LARGE2: variants seen among roughly 807,000 people sequenced by gnomAD.
The protein encoded by LARGE2 is xylosyl- and glucuronyltransferase LARGE2.
Under a neutral mutation model 75.3 loss-of-function variants are expected in LARGE2, and 63 were observed. That is an observed-to-expected ratio of 0.84 (90% confidence interval 0.68 to 1.03). The LOEUF (loss-of-function observed/expected upper bound fraction) is 1.03, where lower values mean the gene tolerates loss of function less well. LARGE2 is among the 50% of genes least tolerant of loss of function. LARGE2 has a pLI of 0.00. For missense variants in LARGE2, 925 were observed against 980.6 expected, an observed-to-expected ratio of 0.94 and a Z score of 0.76; for synonymous variants, 428 against 420.1, an observed-to-expected ratio of 1.02 and a Z score of -0.23.
At position 45,926,257 on chromosome 11, in the gene LARGE2, G is replaced by A. The variant is rs1304679706; in HGVS notation, c.918G>A (p.Gly306=). 1.9e-6 allele frequency: 3 copies of A among 1,614,220 alleles called. No individual in the cohort carries two copies. The highest frequency in any genetic ancestry group is 2.2e-5 in the East Asian group (1 of 44,884). The change falls in exon 8 of 14, where the codon GGG becomes GGA. Residue 306 remains glycine (G), a synonymous_variant. Coordinates refer to ENST00000401752, the MANE Select transcript of LARGE2 (RefSeq NM_001300721.2). ...IFNAVIKEHP[G]LVQRLPCVWN... ...ACGCTGTGATCAAGGAGCACCCGGG[G>A]CTAGTGCAGCGTCTGCCTTGTGTCT...
In LARGE2 at chr11:45,928,824, CCA is replaced by C; in HGVS notation, c.2146_2147del (p.Gln716GlufsTer16). ...AATACCTCCCAGCCCTGCAGCAGCC[CCA>C]GAGCCCTGCCCGAGGCTGAGGCTGG... ...LKYLPALQQPQSPARG is the reference protein window; with the variant it reads ...LKYLPALQQPXSPARG On this transcript the variant is annotated frameshift_variant, in exon 14 of 14. Coordinates refer to ENST00000401752, the MANE Select transcript of LARGE2 (RefSeq NM_001300721.2). LOFTEE classifies it low-confidence loss of function (END_TRUNC). The C allele has an allele frequency of 6.2e-7, 1 of 1,613,300 alleles. No individual in the cohort carries two copies. The highest frequency in any genetic ancestry group is 8.5e-7 in the Non-Finnish European group (1 of 1,179,922).
At chr11:45,925,755 G>A (rs759948064) in intron 6 of LARGE2, among the ~76,000 whole-genome samples, 11 of 152,118 alleles carry the variant, frequency 7.2e-5, no homozygotes, top group Non-Finnish European at 1.6e-4. Context: ...GGGTTGTGGT[G>A]GGGTGCTGAG....
Position 45,927,389 on chromosome 11 carries a change from A to G in LARGE2, c.1400A>G (p.Glu467Gly), listed in dbSNP as rs751632354. ...CTGGCCTTGTACCTGACAGACGCAG[A>G]AGCTCAGCAGTTCCTGCATTTCGTC... ...MSLALYLTDA[E>G]AQQFLHFVEA... Residue 467 changes from glutamate (E) to glycine (G), a missense_variant, in exon 11 of 14, where the codon GAA becomes GGA. By Grantham distance (98) the Glu-to-Gly change is moderately conservative. Around this residue, in one of 3 missense-constraint regions of LARGE2, gnomAD observed 469 missense variants for 503.8 expected, o/e 0.93. Transcript: ENST00000401752. The G allele has an allele frequency of 1.2e-6, 2 of 1,614,126 alleles. No individual in the cohort carries two copies. The highest frequency in any genetic ancestry group is 2.2e-5 in the South Asian group (2 of 91,090).
At position 45,928,676 on chromosome 11, in the gene LARGE2, C is replaced by T. The variant is rs2087387868; in HGVS notation, c.1997C>T (p.Pro666Leu). Residue 666 changes from proline to leucine, a missense_variant, in exon 14 of 14, where the codon CCC becomes CTC. Physicochemically the swap from Pro to Leu is moderately conservative, Grantham distance 98 (BLOSUM62 -3). Around this residue, in one of 3 missense-constraint regions of LARGE2, gnomAD observed 469 missense variants for 503.8 expected, o/e 0.93. Transcript: ENST00000401752. ...VLPEAFTIHLPHAPSLDISRF... is the reference protein window; with the variant it reads ...VLPEAFTIHLLHAPSLDISRF... ...CCCGAGGCCTTCACCATCCATCTGCCCCACGCTCCAAGCCTGGACATCTCC... is the reference window on the plus strand; with the variant it reads ...CCCGAGGCCTTCACCATCCATCTGCTCCACGCTCCAAGCCTGGACATCTCC... The T allele has an allele frequency of 3.7e-6, 6 of 1,614,056 alleles. No individual in the cohort carries two copies. The highest frequency in any genetic ancestry group is 5.1e-6 in the Non-Finnish European group (6 of 1,180,040).
Position 45,926,352 on chromosome 11 carries a change from G to T in LARGE2, c.1008+5G>T. The T allele has an allele frequency of 4.3e-6, 7 of 1,614,160 alleles. No homozygotes were observed. The highest frequency in any genetic ancestry group is 5.9e-6 in the Non-Finnish European group (7 of 1,180,040). On this transcript the variant is annotated splice_donor_5th_base_variant and intron_variant, in intron 8 of 13. Coordinates refer to ENST00000401752, the MANE Select transcript of LARGE2 (RefSeq NM_001300721.2). ...TCTGAGGCGTCTGACCTCAAGGTGA[G>T]TGGGACAAGAGGCTGTGTGGTGGTG...
chr11:45,926,557 T>A lies in LARGE2; in HGVS notation c.1124T>A (p.Leu375His), dbSNP rs765373611. 1 of 1,614,022 alleles carries A rather than the reference T, an allele frequency of 6.2e-7. No individual in the cohort carries two copies. The highest frequency in any genetic ancestry group is 1.1e-5 in the South Asian group (1 of 91,072). ...GATGGGAACCTGCTGCGGAGAGAGC[T>A]CTTTGTGTGCCCCAGCCAGCCCCCA... ...EYDGNLLRRELFVCPSQPPPG... is the reference protein window; with the variant it reads ...EYDGNLLRREHFVCPSQPPPG... Residue 375 changes from leucine to histidine, a missense_variant, in exon 9 of 14, where the codon CTC becomes CAC. Leu to His is a moderately conservative substitution (Grantham distance 99). Coordinates refer to ENST00000401752, the MANE Select transcript of LARGE2 (RefSeq NM_001300721.2).
chr11:45,927,483 A>G lies in LARGE2; in HGVS notation c.1494A>G (p.Leu498=). 1 of 1,614,192 alleles carries G rather than the reference A, an allele frequency of 6.2e-7. No individual in the cohort carries two copies. Among genetic ancestry groups the G allele is most frequent in the South Asian group, 1.1e-5 (1 of 91,092 alleles). The change falls in exon 11 of 14, where the codon CTA becomes CTG. Residue 498 remains leucine, a synonymous_variant. Transcript: ENST00000401752. The part of the protein sequence containing the change: ...AYHVVYREGP[L]YPVNQLRNVA... The stretch of plus-strand genomic sequence containing the variant: ...ATGTGGTGTACCGTGAGGGGCCCCT[A>G]TACCCCGTCAACCAGCTTCGCAACG...
intron 10 of LARGE2, 93 bp downstream of exon 10, chr11:45,926,964 T>C: frequency 7.7e-7 from 1 of 1,305,134 alleles, no homozygotes; most frequent in South Asian, 1.5e-5. Flanking sequence ...GATGCTGTGG[T>C]AGTGAGCTAC....
At chr11:45,925,888 AAACAAC>A (rs566228249) in intron 6 of LARGE2, 145 bp from the exon 7 acceptor site, 1 of 717,508 alleles carries the variant, frequency 1.4e-6, no homozygotes, top group South Asian at 2.0e-5. Flanking sequence ...AAAACAAAAC[AAACAAC>A]AACAACAAAA....
intron 6 of LARGE2, 112 bp from the exon 7 acceptor site, chr11:45,925,927 C>A: frequency 3.4e-6 from 3 of 881,690 alleles, no homozygotes; most frequent in Middle Eastern, 3.0e-4. Flanking sequence ...ATGATCATGT[C>A]TGAACAGTCA....
At chr11:45,928,502 AAAT>A in intron 13 of LARGE2, 125 bp from the exon 14 acceptor site, 1 of 1,530,678 alleles carries the variant, frequency 6.5e-7, no homozygotes, top group Admixed American at 2.0e-5. Flanking sequence ...TGTGGAATTA[AAAT>A]AATCTGCCCT....
At chr11:45,928,589 G>A in intron 13 of LARGE2, 41 bp from the exon 14 acceptor site, 2 of 1,595,026 alleles carry the variant, frequency 1.3e-6, no homozygotes, top group Non-Finnish European at 8.6e-7. Context: ...CCGCAGGCCA[G>A]GCAAGCCAGG....
Position 45,927,530 on chromosome 11 carries a change from C to T in LARGE2, c.1541C>T (p.Thr514Met), listed in dbSNP as rs371896112. 8.7e-6 allele frequency: 14 copies of T among 1,614,072 alleles called. No homozygotes were observed. The highest frequency in any genetic ancestry group is 8.0e-5 in the African/African-American group (6 of 74,956). Reference sequence around the variant, plus strand: ...AACGTGGCCTTGGCCCAGGCCCTCACGCCTTACGTCTTCCTCAGTGACATT... The same window carrying T: ...AACGTGGCCTTGGCCCAGGCCCTCATGCCTTACGTCTTCCTCAGTGACATT... Reference protein sequence around the residue: ...LRNVALAQALTPYVFLSDIDF... With the variant: ...LRNVALAQALMPYVFLSDIDF... The change falls in exon 11 of 14, where the codon ACG (threonine) becomes ATG (methionine). Residue 514 changes from threonine (T) to methionine (M), a missense_variant. By Grantham distance (81) the Thr-to-Met change is moderately conservative (BLOSUM62 -1). This residue lies in a region of LARGE2 where 469 missense variants were observed against 503.8 expected (regional missense o/e 0.93). Coordinates refer to ENST00000401752, the MANE Select transcript of LARGE2 (RefSeq NM_001300721.2).
chr11:45,923,845 G>T (rs908090787), intron 3 of LARGE2, among the ~76,000 whole-genome samples: 1 of 151,304 alleles, frequency 6.6e-6, no homozygotes, highest in African/African-American at 2.4e-5. Context: ...AATTAGCCGG[G>T]CGTAGTGGCG....
At chr11:45,928,586 C>T (rs1270068828) in intron 13 of LARGE2, 44 bp from the exon 14 acceptor site, 1 of 1,592,840 alleles carries the variant, frequency 6.3e-7, no homozygotes, top group African/African-American at 1.3e-5. Context: ...TCCCCGCAGG[C>T]CAGGCAAGCC....
chr11:45,925,443 G>A (rs1348772721), intron 6 of LARGE2, among the ~76,000 whole-genome samples: 1 of 152,086 alleles, frequency 6.6e-6, no homozygotes, highest in Non-Finnish European at 1.5e-5. Context: ...ATTACTTGAG[G>A]TCAGGAGTTC....
chr11:45,927,988 C>A lies in LARGE2; in HGVS notation c.1673C>A (p.Thr558Asn), dbSNP rs1057470377. Residue 558 changes from threonine to asparagine, a missense_variant, in exon 12 of 14, where the codon ACC becomes AAC. This residue lies in a region of LARGE2 where 469 missense variants were observed against 503.8 expected (regional missense o/e 0.93). Transcript: ENST00000401752. The part of the protein sequence containing the change: ...KAALVVPAFE[T>N]LRYRFSFPHS... ...GCACTGGTGGTGCCGGCATTCGAGA[C>A]CCTGCGCTACCGCTTCAGCTTCCCC... 4 of 1,613,780 alleles carry A rather than the reference C, an allele frequency of 2.5e-6. No individual in the cohort carries two copies. The highest frequency in any genetic ancestry group is 1.7e-5 in the Admixed American group (1 of 60,006).
Position 45,927,880 on chromosome 11 carries a change from G to A in LARGE2, c.1605-40G>A, listed in dbSNP as rs1187296495. ...GAGTGTCACTGGCCCAGTCCTAGAT[G>A]CCCCGCTCTTCTCCCCTGCTCATGG... On this transcript the variant is annotated intron_variant, in intron 11 of 13. Coordinates refer to ENST00000401752, the MANE Select transcript of LARGE2 (RefSeq NM_001300721.2). 3.1e-6 allele frequency: 5 copies of A among 1,610,034 alleles called. No homozygotes were observed. In the African/African-American group the frequency reaches 5.3e-5, roughly 17 times the overall value.
upstream of LARGE2, among the ~76,000 whole-genome samples, chr11:45,922,311 C>G (rs1052547154): frequency 2.0e-5 from 3 of 152,148 alleles, no homozygotes; most frequent in African/African-American, 7.2e-5. Context: ...TCCCTCGTGT[C>G]GAGCTCCCGC....
Sources: allele counts gnomAD v4.1 joint callset (sites outside exome capture counted in the v4.1 genomes callset), GRCh38; gene constraint gnomAD v4.1.1; regional missense constraint gnomAD v4.1.1; transcripts MANE v1.5; gene names NCBI Gene and HGNC (gene_info 2026-07-23, HGNC 2026-07-21).